MACROD2: variants seen among roughly 807,000 people sequenced by gnomAD.
The protein encoded by MACROD2 is ADP-ribose glycohydrolase MACROD2.
Under a neutral mutation model 70.4 loss-of-function variants are expected in MACROD2, and 36 were observed. That is an observed-to-expected ratio of 0.51 (90% CI 0.39 to 0.68). The LOEUF is 0.68. Among genes scored for constraint, MACROD2 ranks in the 30% least tolerant of loss-of-function variants. The pLI is 0.00. For missense variants in MACROD2, 496 were observed against 538.4 expected (o/e 0.92, Z 0.78); for synonymous variants, 172 against 178.8 (o/e 0.96, Z 0.30).
At chr20:15,192,891 A>G (rs184744171) in intron 5 of MACROD2, among the ~76,000 whole-genome samples, 115 of 152,332 alleles carry the variant, frequency 7.5e-4, no homozygotes, top group Middle Eastern at 3.4e-3. Flanking sequence ...ATAGTTTGCA[A>G]TGTTCCTAAC....
intron 1 of MACROD2, among the ~76,000 whole-genome samples, chr20:14,000,924 C>A (rs992393900): frequency 6.6e-6 from 1 of 152,178 alleles, no homozygotes; most frequent in East Asian, 1.9e-4. Context: ...TCTTCTCATA[C>A]CATATCTTGC....
chr20:14,087,441 C>A (rs2054091842), intron 3 of MACROD2, among the ~76,000 whole-genome samples: 1 of 151,960 alleles, frequency 6.6e-6, no homozygotes, highest in Non-Finnish European at 1.5e-5. Context: ...TGTACCACAG[C>A]TGCTTTGCTG....
rs150344554 is a variant in MACROD2, at chr20:14,678,970, A to T, written c.302-5873A>T. Among the ~76,000 whole-genome samples, 103 of 152,134 alleles carry T rather than the reference A, an allele frequency of 6.8e-4. No individual in the cohort carries two copies. The East Asian group carries it at 0.018, about 27-fold the overall frequency. On this transcript the variant is annotated intron_variant, in intron 4 of 17. Coordinates refer to ENST00000684519, the MANE Select transcript of MACROD2 (RefSeq NM_001351661.2). The stretch of plus-strand genomic sequence containing the variant: ...ATTATCAGAAAAAAAAAAACAACAC[A>T]TTACTTTTCCTCCCACATTTAATTG...
At chr20:14,839,070 G>T (rs143839209) in intron 5 of MACROD2, among the ~76,000 whole-genome samples, 3 of 152,122 alleles carry the variant, frequency 2.0e-5, no homozygotes, top group Admixed American at 6.6e-5. Context: ...TCATTTCAAG[G>T]CATTTATCGT....
At position 14,884,805 on chromosome 20, in the gene MACROD2, C is replaced by T. The variant is rs150184447; in HGVS notation, c.418+199846C>T. 9.2e-5 allele frequency among the ~76,000 whole-genome samples: 14 copies of T among 152,274 alleles called. No homozygotes were observed. The East Asian group carries it at 2.7e-3, about 29-fold the overall frequency. ...CAGAAACGTTAAAACAATCTGTTCTCTCTGAAGCCTGGAGGCTTCATCTGT... is the reference window on the plus strand; with the variant it reads ...CAGAAACGTTAAAACAATCTGTTCTTTCTGAAGCCTGGAGGCTTCATCTGT... On this transcript the variant is annotated intron_variant, in intron 5 of 17. Transcript: ENST00000684519.
At chr20:15,887,345 A>G (rs2064834906) in intron 10 of MACROD2, among the ~76,000 whole-genome samples, 1 of 152,128 alleles carries the variant, frequency 6.6e-6, no homozygotes, top group Non-Finnish European at 1.5e-5. Context: ...TGGACTTCCA[A>G]ATGCAATGGA....
chr20:15,561,701 T>A (rs1048267947), intron 8 of MACROD2, among the ~76,000 whole-genome samples: 2 of 152,176 alleles, frequency 1.3e-5, no homozygotes, highest in African/African-American at 4.8e-5. Flanking sequence ...CTTTTGTTAT[T>A]TTATGCTAAG....
At chr20:15,876,412 C>A (rs1185967339) in intron 9 of MACROD2, among the ~76,000 whole-genome samples, 1 of 152,004 alleles carries the variant, frequency 6.6e-6, no homozygotes, top group Admixed American at 6.6e-5. Flanking sequence ...TGGTTTCCAG[C>A]TTCATCCATG....
intron 4 of MACROD2, among the ~76,000 whole-genome samples, chr20:14,650,293 C>T (rs1043138115): frequency 1.3e-5 from 2 of 152,154 alleles, no homozygotes; most frequent in Non-Finnish European, 2.9e-5. Context: ...GTAAATATGT[C>T]TGATCTCTCT....
chr20:14,215,333 T>TATACACCTATGCCATC (rs1569209839), intron 3 of MACROD2, among the ~76,000 whole-genome samples: 2 of 96,322 alleles, frequency 2.1e-5, no homozygotes, highest in Non-Finnish European at 2.2e-5. Context: ...TATGCCATCA[T>TATACACCTATGCCATC]ATATACACAC....
intron 6 of MACROD2, among the ~76,000 whole-genome samples, chr20:15,424,905 G>A (rs548710726): frequency 1.2e-3 from 181 of 152,216 alleles, no homozygotes; most frequent in Middle Eastern, 6.8e-3. Context: ...CATTTCTGGC[G>A]GATTGGCTGG....
At chr20:14,989,045 C>G (rs1050642252) in intron 5 of MACROD2, among the ~76,000 whole-genome samples, 2 of 151,920 alleles carry the variant, frequency 1.3e-5, no homozygotes, top group South Asian at 4.1e-4. Context: ...AAAAAGTATT[C>G]TGTGAATACA....
chr20:14,041,016 T>C (rs1304448174), intron 2 of MACROD2, among the ~76,000 whole-genome samples: 1 of 152,060 alleles, frequency 6.6e-6, no homozygotes, highest in Non-Finnish European at 1.5e-5. Flanking sequence ...AGAAGAAAAA[T>C]AGTTGGTAGA....
chr20:15,682,853 G>T lies in MACROD2; in HGVS notation c.646-179892G>T, dbSNP rs1431632243. Among the ~76,000 whole-genome samples, 3 of 152,122 alleles carry T rather than the reference G, an allele frequency of 2.0e-5. No individual in the cohort carries two copies. In the East Asian group the frequency reaches 5.8e-4, roughly 29 times the overall value. Reference sequence around the variant, plus strand: ...AAATGAGTTTAACTTGGCAAGCTCTGTCATTTTTTGTTGTTATTGCCATCT... The same window carrying T: ...AAATGAGTTTAACTTGGCAAGCTCTTTCATTTTTTGTTGTTATTGCCATCT... On this transcript the variant is annotated intron_variant, in intron 8 of 17. Coordinates refer to ENST00000684519, the MANE Select transcript of MACROD2 (RefSeq NM_001351661.2).
chr20:15,502,874 C>CG (rs1324524773), intron 8 of MACROD2, among the ~76,000 whole-genome samples: 1 of 152,078 alleles, frequency 6.6e-6, no homozygotes, highest in Non-Finnish European at 1.5e-5. Context: ...CTTACAAATC[C>CG]GGGCTGACAG....
intron 4 of MACROD2, among the ~76,000 whole-genome samples, chr20:14,639,395 G>GT (rs11087099): frequency 0.85 from 129,019 of 152,082 alleles, 55,424 homozygotes; most frequent in East Asian, 1. Flanking sequence ...GTTTTGAAAT[G>GT]TTATTATTAT....
chr20:14,534,587 CTTTATG>C (rs2085342565), intron 4 of MACROD2, among the ~76,000 whole-genome samples: 1 of 152,130 alleles, frequency 6.6e-6, no homozygotes, highest in East Asian at 1.9e-4. Flanking sequence ...ATGGAGATTG[CTTTATG>C]TTTAGCATTT....
chr20:15,581,518 T>C (rs184528764), intron 8 of MACROD2, among the ~76,000 whole-genome samples: 1 of 152,282 alleles, frequency 6.6e-6, no homozygotes. Flanking sequence ...CCTTATATGA[T>C]GAATGTGTTA....
chr20:15,654,376 G>A (rs1288965797), intron 8 of MACROD2, among the ~76,000 whole-genome samples: 3 of 152,210 alleles, frequency 2.0e-5, no homozygotes, highest in Admixed American at 6.5e-5. Flanking sequence ...CAGCCTGGGG[G>A]AAAATGCTTG....
Sources: allele counts gnomAD v4.1 joint callset (sites outside exome capture counted in the v4.1 genomes callset), GRCh38; gene constraint gnomAD v4.1.1; transcripts MANE v1.5; gene names NCBI Gene and HGNC (gene_info 2026-07-23, HGNC 2026-07-21).